PACSIN2: variants seen among roughly 807,000 people sequenced by gnomAD.
PACSIN2 encodes the protein protein kinase C and casein kinase substrate in neurons protein 2.
A neutral mutation model predicts 63.8 loss-of-function variants in PACSIN2; 25 were observed. The ratio of observed to expected loss-of-function variants is 0.39; its 90% CI spans 0.29 to 0.55. PACSIN2 has a LOEUF of 0.55. Among genes scored for constraint, PACSIN2 ranks in the 20% least tolerant of loss-of-function variants. The pLI is 0.62. For missense variants in PACSIN2, 518 were observed against 646.9 expected, an observed-to-expected ratio of 0.80 and a Z score of 2.16; for synonymous variants, 255 against 256.2, an observed-to-expected ratio of 1.00 and a Z score of 0.05.
chr22:42,973,606 C>T (rs1921480239), intron 1 of PACSIN2, among the ~76,000 whole-genome samples: 1 of 152,264 alleles, frequency 6.6e-6, no homozygotes, highest in South Asian at 2.1e-4. Context: ...CTCCAGCCAA[C>T]ATGCCTGCCT....
At chr22:43,012,159 ATACATACATAC>A (rs1569380079) in intron 1 of PACSIN2, among the ~76,000 whole-genome samples, 20 of 78,800 alleles carry the variant, frequency 2.5e-4, no homozygotes, top group African/African-American at 1.1e-3. Context: ...AAATAAATAC[ATACATACATAC>A]ATACATACAT....
At chr22:42,918,240 T>C (rs956269208) in intron 1 of PACSIN2, among the ~76,000 whole-genome samples, 2 of 152,196 alleles carry the variant, frequency 1.3e-5, no homozygotes, top group African/African-American at 2.4e-5. Context: ...CTAGAAGAGC[T>C]GCCTCATGGC....
At chr22:43,012,483 T>C (rs928202770) in intron 1 of PACSIN2, among the ~76,000 whole-genome samples, 1 of 151,984 alleles carries the variant, frequency 6.6e-6, no homozygotes, top group African/African-American at 2.4e-5. Flanking sequence ...TGCATACTTT[T>C]AGATTTATTT....
intron 2 of PACSIN2, among the ~76,000 whole-genome samples, chr22:42,904,759 A>T (rs1930951394): frequency 6.6e-6 from 1 of 151,924 alleles, no homozygotes; most frequent in South Asian, 2.1e-4. Flanking sequence ...CCCTGGCCCT[A>T]GCCCCCTGCA....
chr22:42,916,504 G>A (rs1397185182), intron 1 of PACSIN2, among the ~76,000 whole-genome samples: 1 of 152,030 alleles, frequency 6.6e-6, no homozygotes, highest in Non-Finnish European at 1.5e-5. Flanking sequence ...CCCCTGCTCC[G>A]GGATATGAGC....
chr22:42,997,849 C>G (rs1302302040), intron 1 of PACSIN2, among the ~76,000 whole-genome samples: 2 of 152,118 alleles, frequency 1.3e-5, no homozygotes, highest in African/African-American at 4.8e-5. Flanking sequence ...CCACTGCACC[C>G]CAGCCTGGGC....
At chr22:42,937,635 G>A (rs535018775) in intron 1 of PACSIN2, among the ~76,000 whole-genome samples, 13 of 152,132 alleles carry the variant, frequency 8.5e-5, no homozygotes, top group Middle Eastern at 3.4e-3. Context: ...GTCAGCATAC[G>A]AGGTGCTTTC....
chr22:42,949,186 T>C (rs1933567830), intron 1 of PACSIN2, among the ~76,000 whole-genome samples: 1 of 152,196 alleles, frequency 6.6e-6, no homozygotes. Context: ...AGCTACCTTC[T>C]TACCAGCAAA....
At chr22:42,959,932 C>G (rs769053256) in intron 1 of PACSIN2, 1 of 152,192 alleles carries the variant, frequency 6.6e-6, no homozygotes, top group Non-Finnish European at 1.5e-5. Flanking sequence ...TGTTGGCTGC[C>G]GAGATAAGGT....
rs1366568932 is a variant in PACSIN2 at position 42,982,995 on chromosome 22, A to G, written c.-78+32026T>C. Among the ~76,000 whole-genome samples, 2 of 151,924 alleles carry G rather than the reference A, an allele frequency of 1.3e-5. 1 individual carries two copies. Among genetic ancestry groups the G allele is most frequent in the East Asian group, 3.9e-4 (2 of 5,182 alleles). On this transcript the variant is annotated intron_variant, in intron 1 of 10. Transcript: ENST00000263246. The stretch of plus-strand genomic sequence containing the variant: ...CACGAGTTCAAGACCAGCGTGGCCA[A>G]CATGGTGAAACCCCATCTCTACTAA...
chr22:42,954,454 G>A (rs1449537356), intron 1 of PACSIN2, among the ~76,000 whole-genome samples: 2 of 152,156 alleles, frequency 1.3e-5, no homozygotes, highest in African/African-American at 4.8e-5. Flanking sequence ...TGAGTGCAGT[G>A]GCACTATCAC....
intron 1 of PACSIN2, among the ~76,000 whole-genome samples, chr22:42,949,047 C>T (rs1399716205): frequency 1.3e-5 from 2 of 152,134 alleles, no homozygotes; most frequent in African/African-American, 4.8e-5. Context: ...AATCCCAGCA[C>T]TTTGGGAGGT....
chr22:42,922,227 G>GCTGGAAGCTGGCATAACATC (rs1348983889), intron 1 of PACSIN2, among the ~76,000 whole-genome samples: 12 of 152,206 alleles, frequency 7.9e-5, no homozygotes, highest in African/African-American at 2.9e-4. Flanking sequence ...CGTGGCACAG[G>GCTGGAAGCTGGCATAACATC]CTGGAAGCTG....
chr22:42,974,458 G>A (rs73889003), intron 1 of PACSIN2, among the ~76,000 whole-genome samples: 3,899 of 152,276 alleles, frequency 0.026, 164 homozygotes, highest in African/African-American at 0.09. Flanking sequence ...GAGAACAGTA[G>A]AGGAGAGTGC....
intron 1 of PACSIN2, among the ~76,000 whole-genome samples, chr22:42,946,564 A>G (rs1158543082): frequency 6.6e-6 from 1 of 152,184 alleles, no homozygotes; most frequent in Non-Finnish European, 1.5e-5. Context: ...AACAAAAAGA[A>G]CAAGTGCTCA....
intron 1 of PACSIN2, among the ~76,000 whole-genome samples, chr22:42,965,523 A>C (rs1192451102): frequency 1.3e-5 from 2 of 152,252 alleles, no homozygotes; most frequent in Non-Finnish European, 2.9e-5. Flanking sequence ...CTTCCTACCC[A>C]GCGTCTGCAT....
At chr22:42,985,798 C>T (rs1922567378) in intron 1 of PACSIN2, among the ~76,000 whole-genome samples, 1 of 152,144 alleles carries the variant, frequency 6.6e-6, no homozygotes, top group Admixed American at 6.5e-5. Flanking sequence ...ACGCCTAACC[C>T]CTCCCCATGC....
chr22:43,010,398 A>ATATATATATATTTT, intron 1 of PACSIN2, among the ~76,000 whole-genome samples: 57 of 126,410 alleles, frequency 4.5e-4, no homozygotes, highest in African/African-American at 1.5e-3. Context: ...ATATATATAT[A>ATATATATATATTTT]TTTTTTTTTA....
chr22:42,923,179 A>G lies in PACSIN2; in HGVS notation c.-77-11022T>C, dbSNP rs1932306224. Among the ~76,000 whole-genome samples the G allele has an allele frequency of 3.3e-5, 5 of 152,320 alleles. No homozygotes were observed. The South Asian group carries it at 1.0e-3, about 32-fold the overall frequency. On this transcript the variant is annotated intron_variant, in intron 1 of 10. Transcript: ENST00000263246. ...CTACTGGTTTTAAAAATGAGAACAT[A>G]TTCATTTCATAATTGGCCGCAGAAC... is the stretch of plus-strand genomic sequence containing the variant.
Sources: allele counts gnomAD v4.1 joint callset (sites outside exome capture counted in the v4.1 genomes callset), GRCh38; gene constraint gnomAD v4.1.1; transcripts MANE v1.5; gene names NCBI Gene and HGNC (gene_info 2026-07-23, HGNC 2026-07-21).